Variants in NDST4 observed in about 807,000 individuals in gnomAD.
The protein encoded by NDST4 is N-heparan sulfate sulfotransferase 4.
In NDST4, 63 loss-of-function variants were observed where a neutral mutation model predicts 100.8. The ratio of observed to expected loss-of-function variants is 0.62; its 90% CI spans 0.51 to 0.77. The LOEUF (loss-of-function observed/expected upper bound fraction) is 0.77, where lower values mean the gene tolerates loss of function less well. Ranked by LOEUF, NDST4 falls within the 30% of genes least tolerant of loss-of-function variation. The probability of loss-of-function intolerance (pLI) is 0.00; values close to 1 mark genes in which losing one functional copy is unlikely to be tolerated. For missense variants in NDST4, 943 were observed against 1,018.4 expected, an observed-to-expected ratio of 0.93 and a Z score of 1.01; for synonymous variants, 377 against 361.8, an observed-to-expected ratio of 1.04 and a Z score of -0.48.
In NDST4 at chr4:114,992,968, C is replaced by G. The variant is rs1219965126; in HGVS notation, c.979-15694G>C. On this transcript the variant is annotated intron_variant, in intron 2 of 13. Transcript: ENST00000264363. ...TTGTATATTTTACTTAAAAAATAAC[C>G]ACTTCAGTTCCAGAATTCAATGTTC... 2.6e-5 allele frequency among the ~76,000 whole-genome samples: 4 copies of G among 151,750 alleles called. No homozygotes were observed. In the East Asian group the frequency reaches 7.7e-4, roughly 29 times the overall value.
At chr4:114,975,469 T>G (rs1366709077) in intron 3 of NDST4, among the ~76,000 whole-genome samples, 1 of 152,126 alleles carries the variant, frequency 6.6e-6, no homozygotes, top group Non-Finnish European at 1.5e-5. Context: ...TACATCTTTC[T>G]TTTTTACTGT....
At chr4:114,881,288 A>T (rs773321948) in intron 6 of NDST4, among the ~76,000 whole-genome samples, 1 of 152,096 alleles carries the variant, frequency 6.6e-6, no homozygotes, top group Non-Finnish European at 1.5e-5. Context: ...AAGGAGAGAA[A>T]TTAAATAGAT....
At chr4:114,929,033 TGTCTGTCTGTCCGTCCGTCCGTCC>T (rs1326403175) in intron 6 of NDST4, among the ~76,000 whole-genome samples, 3 of 146,154 alleles carry the variant, frequency 2.1e-5, no homozygotes, top group Non-Finnish European at 4.5e-5. Flanking sequence ...TCTGTCTGTC[TGTCTGTCTGTCCGTCCGTCCGTCC>T]GTCCGTCCGT....
intron 1 of NDST4, among the ~76,000 whole-genome samples, chr4:115,090,740 T>C (rs538540134): frequency 3.2e-4 from 49 of 152,192 alleles, no homozygotes; most frequent in African/African-American, 1.2e-3. Context: ...CTGTTCTCCA[T>C]TGACAGGTTA....
At chr4:114,931,930 A>G (rs1725525023) in intron 6 of NDST4, among the ~76,000 whole-genome samples, 1 of 151,866 alleles carries the variant, frequency 6.6e-6, no homozygotes, top group Admixed American at 6.6e-5. Context: ...GAGAATTAAC[A>G]TCAAATCCTT....
At chr4:114,941,957 C>T (rs1171668751) in intron 4 of NDST4, among the ~76,000 whole-genome samples, 2 of 152,166 alleles carry the variant, frequency 1.3e-5, no homozygotes, top group African/African-American at 4.8e-5. Flanking sequence ...TCTGTTGAGA[C>T]GTCTAGTGGT....
At chr4:114,851,812 A>G (rs1167116753) in intron 8 of NDST4, among the ~76,000 whole-genome samples, 1 of 152,186 alleles carries the variant, frequency 6.6e-6, no homozygotes, top group Non-Finnish European at 1.5e-5. Flanking sequence ...TCCTAGAGAA[A>G]GAAAAGATTT....
At chr4:114,974,776 A>C (rs975432514) in intron 3 of NDST4, among the ~76,000 whole-genome samples, 1 of 152,132 alleles carries the variant, frequency 6.6e-6, no homozygotes, top group Non-Finnish European at 1.5e-5. Context: ...TGTTTTTAGC[A>C]TGTGAAGGAC....
intron 2 of NDST4, among the ~76,000 whole-genome samples, chr4:115,062,734 G>A (rs1728851422): frequency 6.6e-6 from 1 of 151,688 alleles, no homozygotes; most frequent in African/African-American, 2.4e-5. Context: ...TACAAGAATA[G>A]CTAATCATCC....
At position 114,986,832 on chromosome 4, in the gene NDST4, A is replaced by ATATATATATATATATTTTTT; in HGVS notation, c.979-9559_979-9558insAAAAAATATATATATATATA. On this transcript the variant is annotated intron_variant, in intron 2 of 13. Transcript: ENST00000264363. The stretch of plus-strand genomic sequence containing the variant: ...TATATATATATATATATATATATAT[A>ATATATATATATATATTTTTT]TTTTAATATACTATTCCTATAAGCT... Among the ~76,000 whole-genome samples, 130 of 94,620 alleles carry ATATATATATATATATTTTTT rather than the reference A, an allele frequency of 1.4e-3. 2 individuals are homozygous for ATATATATATATATATTTTTT. Among genetic ancestry groups the ATATATATATATATATTTTTT allele is most frequent in the South Asian group, 2.1e-3 (5 of 2,336 alleles). 62.1% of individuals were successfully genotyped at this position (94,620 alleles called of 152,430 possible).
At chr4:114,876,891 G>A (rs932298879) in intron 6 of NDST4, among the ~76,000 whole-genome samples, 2 of 152,082 alleles carry the variant, frequency 1.3e-5, no homozygotes, top group African/African-American at 4.8e-5. Flanking sequence ...TGTGTTACTA[G>A]GAACTAAGAA....
chr4:114,994,462 T>C (rs1359237382), intron 2 of NDST4, among the ~76,000 whole-genome samples: 1 of 151,928 alleles, frequency 6.6e-6, no homozygotes, highest in Admixed American at 6.6e-5. Flanking sequence ...TAAAAGTACC[T>C]AGAACACAGA....
chr4:114,854,254 C>T (rs987062966), intron 7 of NDST4, among the ~76,000 whole-genome samples: 1 of 152,198 alleles, frequency 6.6e-6, no homozygotes, highest in African/African-American at 2.4e-5. Flanking sequence ...TGGCTTATTT[C>T]ACTTAACGTA....
intron 1 of NDST4, among the ~76,000 whole-genome samples, chr4:115,108,239 G>T (rs938895532): frequency 1.3e-5 from 2 of 151,938 alleles, no homozygotes; most frequent in African/African-American, 4.8e-5. Flanking sequence ...CTTTAGTGAT[G>T]TTATATTTAT....
At chr4:114,963,465 T>C (rs1264638383) in intron 4 of NDST4, among the ~76,000 whole-genome samples, 1 of 152,176 alleles carries the variant, frequency 6.6e-6, no homozygotes, top group East Asian at 1.9e-4. Context: ...TAAGGGTACT[T>C]TTTTAAAATG....
At chr4:115,011,300 C>T (rs1727540264) in intron 2 of NDST4, among the ~76,000 whole-genome samples, 2 of 151,910 alleles carry the variant, frequency 1.3e-5, no homozygotes, top group African/African-American at 4.8e-5. Context: ...GGCTGTCATG[C>T]CATTCTGGTA....
chr4:115,029,920 C>T (rs370152561), intron 2 of NDST4, among the ~76,000 whole-genome samples: 2 of 152,168 alleles, frequency 1.3e-5, no homozygotes, highest in East Asian at 1.9e-4. Context: ...AAGTTTGTAG[C>T]TGAGAATGGG....
At chr4:114,967,914 A>T (rs1726420631) in intron 4 of NDST4, among the ~76,000 whole-genome samples, 1 of 152,146 alleles carries the variant, frequency 6.6e-6, no homozygotes, top group Non-Finnish European at 1.5e-5. Flanking sequence ...TAAGCACATT[A>T]TGTATATCCT....
At chr4:115,104,061 G>A (rs2110344523) in intron 1 of NDST4, among the ~76,000 whole-genome samples, 1 of 152,204 alleles carries the variant, frequency 6.6e-6, no homozygotes, top group South Asian at 2.1e-4. Flanking sequence ...GGAAAATACT[G>A]GGAGATTTAG....
Sources: gnomAD v4.1 joint callset for allele counts (sites outside exome capture counted in the v4.1 genomes callset) on GRCh38, gnomAD v4.1.1 for gene constraint, MANE v1.5 for transcripts, NCBI Gene and HGNC (gene_info 2026-07-23, HGNC 2026-07-21) for gene names.